DSCAML1: variants seen among roughly 807,000 people sequenced by gnomAD.
The protein encoded by DSCAML1 is cell adhesion molecule DSCAML1.
In DSCAML1, 38 loss-of-function variants were observed where a neutral mutation model predicts 200.5. The ratio of observed to expected loss-of-function variants is 0.19; its 90% CI spans 0.15 to 0.25. DSCAML1 has a LOEUF of 0.25. DSCAML1 is among the 10% of genes least tolerant of loss of function. The pLI is 1.00. For missense variants in DSCAML1, 2,223 were observed against 2,858.8 expected (o/e 0.78, Z 5.07); for synonymous variants, 1,215 against 1,165.0 (o/e 1.04, Z -0.87).
intron 14 of DSCAML1, among the ~76,000 whole-genome samples, chr11:117,478,259 GA>G (rs940493170): frequency 3.3e-5 from 5 of 152,142 alleles, no homozygotes; most frequent in African/African-American, 7.2e-5. Context: ...GGAACGGGGG[GA>G]GGGGCACGAG....
intron 3 of DSCAML1, among the ~76,000 whole-genome samples, chr11:117,581,316 T>A (rs1411497460): frequency 6.6e-6 from 1 of 152,198 alleles, no homozygotes; most frequent in Non-Finnish European, 1.5e-5. Flanking sequence ...GGGGTCAGAT[T>A]TATTGAGATA....
intron 21 of DSCAML1, among the ~76,000 whole-genome samples, chr11:117,443,679 A>T (rs1314696624): frequency 6.6e-6 from 1 of 152,208 alleles, no homozygotes; most frequent in Non-Finnish European, 1.5e-5. Context: ...CAAGAGCCGG[A>T]GGCAGCCTGT....
intron 3 of DSCAML1, among the ~76,000 whole-genome samples, chr11:117,594,524 G>A (rs140028371): frequency 2.4e-4 from 36 of 152,350 alleles, no homozygotes; most frequent in East Asian, 7.7e-4. Flanking sequence ...GAACAGTCAG[G>A]TCTGCCCTCT....
chr11:117,707,863 T>G (rs1259735915), intron 3 of DSCAML1, among the ~76,000 whole-genome samples: 1 of 152,222 alleles, frequency 6.6e-6, no homozygotes, highest in Non-Finnish European at 1.5e-5. Context: ...TCCAGCTGCC[T>G]GATGGCATTC....
At chr11:117,669,135 C>G (rs1207653651) in intron 3 of DSCAML1, among the ~76,000 whole-genome samples, 3 of 152,202 alleles carry the variant, frequency 2.0e-5, no homozygotes, top group African/African-American at 7.2e-5. Context: ...GTACCAAATG[C>G]AAATCCGACA....
chr11:117,745,382 G>C (rs2054501306), intron 3 of DSCAML1, among the ~76,000 whole-genome samples: 1 of 152,200 alleles, frequency 6.6e-6, no homozygotes, highest in African/African-American at 2.4e-5. Context: ...TACCGAGGGA[G>C]CTGAAGCTGT....
intron 3 of DSCAML1, among the ~76,000 whole-genome samples, chr11:117,542,321 ACAAAAC>A (rs1476669442): frequency 9.7e-6 from 1 of 103,466 alleles, no homozygotes; most frequent in Non-Finnish European, 2.1e-5. Context: ...ACAAAACAAA[ACAAAAC>A]ACAAAAACAA....
intron 3 of DSCAML1, among the ~76,000 whole-genome samples, chr11:117,687,554 C>G (rs1326205930): frequency 6.6e-6 from 1 of 151,696 alleles, no homozygotes; most frequent in Non-Finnish European, 1.5e-5. Flanking sequence ...GTGTGAGCCA[C>G]CATGACTGGC....
chr11:117,460,202 T>C (rs920891380), intron 18 of DSCAML1, among the ~76,000 whole-genome samples: 2 of 152,212 alleles, frequency 1.3e-5, no homozygotes, highest in African/African-American at 4.8e-5. Context: ...ATGAATGTAG[T>C]GAGGTCACAT....
rs921493871 is a variant in DSCAML1, at chr11:117,633,010, C to T, written c.512-100488G>A. 7.9e-5 allele frequency among the ~76,000 whole-genome samples: 12 copies of T among 152,282 alleles called. No individual in the cohort carries two copies. The South Asian group carries it at 1.5e-3, about 18-fold the overall frequency. ...GGTCATACAGCTGCTTGGGAAAGGA[C>T]GGGCCTGGCAGGCTGTAAGTATCCT... is the stretch of plus-strand genomic sequence containing the variant. On this transcript the variant is annotated intron_variant, in intron 3 of 32. Coordinates refer to ENST00000651296, the MANE Select transcript of DSCAML1 (RefSeq NM_020693.4).
intron 3 of DSCAML1, among the ~76,000 whole-genome samples, chr11:117,586,437 A>G (rs2051142651): frequency 6.6e-6 from 1 of 152,154 alleles, no homozygotes; most frequent in African/African-American, 2.4e-5. Context: ...GGAGAGACCA[A>G]TCTGCTTCTT....
chr11:117,444,029 T>C lies in DSCAML1; in HGVS notation c.3719A>G (p.Glu1240Gly), dbSNP rs755478977. The C allele has an allele frequency of 1.2e-6, 2 of 1,611,878 alleles. No homozygotes were observed. Among genetic ancestry groups the C allele is most frequent in the Non-Finnish European group, 1.7e-6 (2 of 1,178,604 alleles). The change falls in exon 21 of 33, where the codon GAG (glutamate) becomes GGG (glycine). Residue 1240 changes from glutamate to glycine, a missense_variant. Transcript: ENST00000651296. ...SPGSGQPAPS[E>G]YETSPEQLFY... ...GAGCTGCTCTGGACTCGTCTCGTAC[T>C]CGCTGGGAGCCTGCGGGGCAGAGGC...
chr11:117,508,668 T>C (rs530341849), intron 8 of DSCAML1, among the ~76,000 whole-genome samples: 1 of 152,154 alleles, frequency 6.6e-6, no homozygotes, highest in East Asian at 1.9e-4. Flanking sequence ...TTGAGAGCCC[T>C]GTGTACGCTT....
At chr11:117,682,152 G>GCCCAGGAGGCC (rs1234451289) in intron 3 of DSCAML1, among the ~76,000 whole-genome samples, 1 of 152,174 alleles carries the variant, frequency 6.6e-6, no homozygotes, top group Non-Finnish European at 1.5e-5. Flanking sequence ...GTACAGGATG[G>GCCCAGGAGGCC]CCCAGGAGGA....
intron 3 of DSCAML1, among the ~76,000 whole-genome samples, chr11:117,757,573 TACACACAC>T (rs5795104): frequency 0.057 from 8,438 of 146,790 alleles, 303 homozygotes; most frequent in East Asian, 0.12. Context: ...TAGGAGCCTA[TACACACAC>T]ACACACACAC....
At position 117,439,854 on chromosome 11, in the gene DSCAML1, T is replaced by G. The variant is rs775522524; in HGVS notation, c.3945A>C (p.Gly1315=). 1.9e-6 allele frequency: 3 copies of G among 1,614,184 alleles called. No individual in the cohort carries two copies. In the East Asian group the frequency reaches 6.7e-5, roughly 36 times the overall value. Residue 1315 remains glycine, a synonymous_variant, in exon 22 of 33, where the codon GGA becomes GGC. Coordinates refer to ENST00000651296, the MANE Select transcript of DSCAML1 (RefSeq NM_020693.4). ...KDVRLPCNSV[G]DPAPAVKWTK... is the part of the protein sequence containing the mutation. Reference sequence around the variant, plus strand: ...TCCACTTCACAGCAGGGGCTGGATCTCCCACTGAATTGCAAGGCAGCCGAA... The same window carrying G: ...TCCACTTCACAGCAGGGGCTGGATCGCCCACTGAATTGCAAGGCAGCCGAA...
intron 3 of DSCAML1, among the ~76,000 whole-genome samples, chr11:117,699,221 G>A (rs116425867): frequency 2.1e-3 from 317 of 152,302 alleles, no homozygotes; most frequent in African/African-American, 7.2e-3. Flanking sequence ...AGCAGACAAA[G>A]GCAGGAGCTA....
At chr11:117,775,918 G>T (rs1051373471) in intron 3 of DSCAML1, among the ~76,000 whole-genome samples, 32 of 151,592 alleles carry the variant, frequency 2.1e-4, no homozygotes, top group African/African-American at 7.8e-4. Flanking sequence ...TGCTGAAAGG[G>T]CACTCAGAGA....
At chr11:117,592,359 C>T (rs1278496221) in intron 3 of DSCAML1, among the ~76,000 whole-genome samples, 3 of 152,158 alleles carry the variant, frequency 2.0e-5, no homozygotes, top group African/African-American at 7.2e-5. Context: ...ACACTGTCTT[C>T]ACTCAGCGTC....
Sources: gnomAD v4.1 joint callset for allele counts (sites outside exome capture counted in the v4.1 genomes callset) on GRCh38, gnomAD v4.1.1 for gene constraint, MANE v1.5 for transcripts, NCBI Gene and HGNC (gene_info 2026-07-23, HGNC 2026-07-21) for gene names.